NUBP1: variants seen among roughly 807,000 people sequenced by gnomAD.
NUBP1 encodes the protein NUBP iron-sulfur cluster assembly factor 1, cytosolic.
Under a neutral mutation model 41.8 loss-of-function variants are expected in NUBP1, and 46 were observed. The ratio of observed to expected loss-of-function variants is 1.10; its 90% CI spans 0.87 to 1.41. NUBP1 has a LOEUF of 1.41. Ranked by LOEUF, NUBP1 falls within the 40% of genes most tolerant of loss-of-function variation. NUBP1 has a pLI of 0.00. For missense variants in NUBP1, 494 were observed against 414.0 expected (o/e 1.19, Z -1.68); for synonymous variants, 189 against 154.6 (o/e 1.22, Z -1.65).
chr16:10,748,648 C>A (rs185465336), intron 3 of NUBP1, among the ~76,000 whole-genome samples: 1 of 152,116 alleles, frequency 6.6e-6, no homozygotes, highest in African/African-American at 2.4e-5. Flanking sequence ...GCACGGGGCC[C>A]GACGAATAGT....
At position 10,767,719 on chromosome 16, in the gene NUBP1, C is replaced by G. The variant is rs1190384228; in HGVS notation, c.821-230C>G. On this transcript the variant is annotated intron_variant, in intron 9 of 10. Coordinates refer to ENST00000283027, the MANE Select transcript of NUBP1 (RefSeq NM_002484.4). This position sits in a 1 kb window ranked among gnomAD's most constrained non-coding sequence, Gnocchi z 4.6. Reference sequence around the variant, plus strand: ...GTTCTCTGTAGGGCCCTGGAACCTGCATTTTCTGTACACCACCTGATTATT... The same window carrying G: ...GTTCTCTGTAGGGCCCTGGAACCTGGATTTTCTGTACACCACCTGATTATT... 1.1e-5 allele frequency: 6 copies of G among 569,248 alleles called. No homozygotes were observed. The African/African-American group carries it at 1.1e-4, about 11-fold the overall frequency. The allele number at this position is 569,248 out of a possible 1,614,324, so 35.3% of individuals were successfully genotyped here.
chr16:10,755,720 G>A lies in NUBP1; in HGVS notation c.328-1G>A. 1 of 1,614,180 alleles carries A rather than the reference G, an allele frequency of 6.2e-7. No homozygotes were observed. Among genetic ancestry groups the A allele is most frequent in the Non-Finnish European group, 8.5e-7 (1 of 1,179,986 alleles). On this transcript the variant is annotated splice_acceptor_variant, in intron 4 of 10. Transcript: ENST00000283027. LOFTEE classifies it high-confidence loss of function. ...GAACATCGGTGCTCATGTTCACACA[G>A]GTTCACCAGAGTGGCTCAGGCTGGT...
intron 3 of NUBP1, 117 bp from the exon 4 acceptor site, chr16:10,752,493 C>T (rs1204373931): frequency 4.0e-6 from 3 of 758,188 alleles, no homozygotes; most frequent in Admixed American, 4.0e-5. Flanking sequence ...CCAAGTTTAA[C>T]CCAGTTTCTG....
intron 4 of NUBP1, among the ~76,000 whole-genome samples, chr16:10,754,827 T>C (rs1366730798): frequency 6.6e-6 from 1 of 151,826 alleles, no homozygotes; most frequent in African/African-American, 2.4e-5. Context: ...GGTGGATCAC[T>C]TGAGGTCAGG....
At position 10,761,585 on chromosome 16, in the gene NUBP1, T is replaced by C. The variant is rs2029904607; in HGVS notation, c.717+111T>C. 5 of 1,071,096 alleles carry C rather than the reference T, an allele frequency of 4.7e-6. No homozygotes were observed. The Admixed American group carries it at 9.4e-5, about 20-fold the overall frequency. The allele number at this position is 1,071,096 out of a possible 1,614,324, so 66.3% of individuals were successfully genotyped here. A position where few individuals can be genotyped will look rare whatever the true frequency, so the allele number is the denominator to read the frequency against. On this transcript the variant is annotated intron_variant, in intron 8 of 10. Coordinates refer to ENST00000283027, the MANE Select transcript of NUBP1 (RefSeq NM_002484.4). ...CTGCTTTCCCTGTCATTTTGGGAAGTGGAATCACAATTAAAATCCCTTTCT... is the reference window on the plus strand; with the variant it reads ...CTGCTTTCCCTGTCATTTTGGGAAGCGGAATCACAATTAAAATCCCTTTCT...
In NUBP1 at chr16:10,765,559, G is replaced by A. The variant is rs570575477; in HGVS notation, c.821-2390G>A. 1.1e-4 allele frequency among the ~76,000 whole-genome samples: 16 copies of A among 152,034 alleles called. No homozygotes were observed. Among genetic ancestry groups the A allele is most frequent in the Admixed American group, 3.9e-4 (6 of 15,252 alleles). On this transcript the variant is annotated intron_variant, in intron 9 of 10. Transcript: ENST00000283027. This position sits in a 1 kb window ranked among gnomAD's most constrained non-coding sequence, Gnocchi z 4.0. ...TGCTGACCCACCCAAATATGTCCACGGGCCCAGCCACAGGCCTGCCCTTGC... is the reference window on the plus strand; with the variant it reads ...TGCTGACCCACCCAAATATGTCCACAGGCCCAGCCACAGGCCTGCCCTTGC...
intron 9 of NUBP1, chr16:10,764,893 G>A (rs2030637708): frequency 1.2e-5 from 2 of 173,392 alleles, no homozygotes; most frequent in Admixed American, 6.6e-5. Flanking sequence ...CAGTCTGCTG[G>A]AGTATGTCAG....
rs533208449 is a variant in NUBP1 at position 10,765,327 on chromosome 16, T to TAAAAAAA, written c.821-2606_821-2600dup. Reference sequence around the variant, plus strand: ...TAACACAGGAAGATACCTCATCTCTTAAAAAAAAAAAAAAAAAAAAAAGGA... The same window carrying TAAAAAAA: ...TAACACAGGAAGATACCTCATCTCTTAAAAAAAAAAAAAAAAAAAAAAAAAAAAAGGA... On this transcript the variant is annotated intron_variant, in intron 9 of 10. Coordinates refer to ENST00000283027, the MANE Select transcript of NUBP1 (RefSeq NM_002484.4). The surrounding 1 kb of genome is among the most constrained non-coding windows in gnomAD (Gnocchi z 4.0). 2.8e-4 allele frequency among the ~76,000 whole-genome samples: 31 copies of TAAAAAAA among 111,262 alleles called. No homozygotes were observed. Among genetic ancestry groups the TAAAAAAA allele is most frequent in the Non-Finnish European group, 4.2e-4 (24 of 56,636 alleles). The allele number at this position is 111,262 out of a possible 152,430, so 73.0% of individuals were successfully genotyped here. A position where few individuals can be genotyped will look rare whatever the true frequency, so the allele number is the denominator to read the frequency against.
At position 10,768,204 on chromosome 16, in the gene NUBP1, G is replaced by C. The variant is rs191838765; in HGVS notation, c.904+172G>C. ...AGAAATCTCTCAATGTGTGAGTATTGTGAATTAATTCATAGTTTAAAAAAC... is the reference window on the plus strand; with the variant it reads ...AGAAATCTCTCAATGTGTGAGTATTCTGAATTAATTCATAGTTTAAAAAAC... On this transcript the variant is annotated intron_variant, in intron 10 of 10. Coordinates refer to ENST00000283027, the MANE Select transcript of NUBP1 (RefSeq NM_002484.4). The surrounding 1 kb of genome is among the most constrained non-coding windows in gnomAD (Gnocchi z 4.3). The C allele has an allele frequency of 3.9e-4, 195 of 506,070 alleles. 2 individuals are homozygous for C. Among genetic ancestry groups the C allele is most frequent in the African/African-American group, 3.4e-3 (177 of 51,494 alleles). The allele number at this position is 506,070 out of a possible 1,614,324, so 31.3% of individuals were successfully genotyped here. A position where few individuals can be genotyped will look rare whatever the true frequency, so the allele number is the denominator to read the frequency against.
rs1900217079 is a variant in NUBP1, at chr16:10,749,434, G to T, written c.258+2158G>T. 1.3e-5 allele frequency among the ~76,000 whole-genome samples: 2 copies of T among 152,110 alleles called. No individual in the cohort carries two copies. The highest frequency in any genetic ancestry group is 4.8e-5 in the African/African-American group (2 of 41,402). On this transcript the variant is annotated intron_variant, in intron 3 of 10. Transcript: ENST00000283027. This position sits in a 1 kb window ranked among gnomAD's most constrained non-coding sequence, Gnocchi z 4.1. The stretch of plus-strand genomic sequence containing the variant: ...GTAATTACGTTCTGAAGTCTTTGCT[G>T]CATGCCTGTCTAGACTTTGCAGTAT...
intron 3 of NUBP1, 60 bp from the exon 4 acceptor site, chr16:10,752,550 T>G: frequency 8.2e-6 from 11 of 1,347,032 alleles, no homozygotes; most frequent in Non-Finnish European, 1.2e-5. Flanking sequence ...CTCCTAGTTG[T>G]GTGTGTCTGG....
intron 9 of NUBP1, among the ~76,000 whole-genome samples, chr16:10,763,052 C>T (rs1025870068): frequency 1.3e-5 from 2 of 152,062 alleles, no homozygotes; most frequent in Non-Finnish European, 2.9e-5. Flanking sequence ...GAGAAAGTGA[C>T]GGCATCTGAG....
In NUBP1 at chr16:10,744,040, T is replaced by C; in HGVS notation, c.99T>C (p.Ser33=). The C allele has an allele frequency of 6.3e-7, 1 of 1,579,864 alleles. No individual in the cohort carries two copies. Among genetic ancestry groups the C allele is most frequent in the Non-Finnish European group, 8.6e-7 (1 of 1,168,826 alleles). The part of the protein sequence containing the change: ...QGCPNQRLCA[S]GAGATPDTAI... Reference sequence around the variant, plus strand: ...GCCCCAACCAGCGGCTGTGCGCTTCTGGAGCGGGGGCCACTCCGGACACGG... The same window carrying C: ...GCCCCAACCAGCGGCTGTGCGCTTCCGGAGCGGGGGCCACTCCGGACACGG... Residue 33 remains serine (S), a synonymous_variant, in exon 2 of 11, where the codon TCT becomes TCC. Transcript: ENST00000283027.
chr16:10,755,937 G>A (rs1900528505), intron 5 of NUBP1, among the ~76,000 whole-genome samples, 184 bp downstream of exon 5: 1 of 152,230 alleles, frequency 6.6e-6, no homozygotes, highest in African/African-American at 2.4e-5. Flanking sequence ...TTTTCAGCAT[G>A]TGGGCCTACA....
intron 4 of NUBP1, among the ~76,000 whole-genome samples, chr16:10,753,056 A>C (rs1324949377): frequency 2.0e-5 from 3 of 152,148 alleles, no homozygotes; most frequent in African/African-American, 7.2e-5. Context: ...AGCCTCCCAA[A>C]GTGCTAGGAT....
rs1032764469 is a variant in NUBP1 at position 10,768,915 on chromosome 16, G to T, written c.905-132G>T. 1.2e-5 allele frequency: 9 copies of T among 747,320 alleles called. No homozygotes were observed. The highest frequency in any genetic ancestry group is 7.1e-5 in the African/African-American group (4 of 56,526). 46.3% of individuals were successfully genotyped at this position (747,320 alleles called of 1,614,324 possible). ...ACTTTCAAAGACTCAGGGCATCACA[G>T]ACACAGGTCTTTTTATGGAACTAGC... On this transcript the variant is annotated intron_variant, in intron 10 of 10. Coordinates refer to ENST00000283027, the MANE Select transcript of NUBP1 (RefSeq NM_002484.4). The surrounding 1 kb of genome is among the most constrained non-coding windows in gnomAD (Gnocchi z 4.3).
In NUBP1 at chr16:10,767,097, G is replaced by C. The variant is rs962898374; in HGVS notation, c.821-852G>C. 2.8e-5 allele frequency: 11 copies of C among 398,666 alleles called. No individual in the cohort carries two copies. The highest frequency in any genetic ancestry group is 2.1e-4 in the African/African-American group (10 of 48,644). 24.7% of individuals were successfully genotyped at this position (398,666 alleles called of 1,614,324 possible). A position where few individuals can be genotyped will look rare whatever the true frequency, so the allele number is the denominator to read the frequency against. ...GGAACCCCTCCTGGGGTTCACCTGA[G>C]GCTGGTGACCGGCCATGGGCAGTGC... is the stretch of plus-strand genomic sequence containing the variant. On this transcript the variant is annotated intron_variant, in intron 9 of 10. Transcript: ENST00000283027. This position sits in a 1 kb window ranked among gnomAD's most constrained non-coding sequence, Gnocchi z 4.6.
At chr16:10,758,924 A>G (rs1900754967) in intron 7 of NUBP1, among the ~76,000 whole-genome samples, 1 of 152,158 alleles carries the variant, frequency 6.6e-6, no homozygotes, top group African/African-American at 2.4e-5. Context: ...TCCTCTCTGT[A>G]AGTCCTGCAG....
chr16:10,762,497 G>A (rs756350565), intron 9 of NUBP1, among the ~76,000 whole-genome samples: 1 of 152,234 alleles, frequency 6.6e-6, no homozygotes, highest in Non-Finnish European at 1.5e-5. Context: ...GCGCTGGGCA[G>A]GGCCTACACT....
Sources: gnomAD v4.1 joint callset for allele counts (sites outside exome capture counted in the v4.1 genomes callset) on GRCh38, gnomAD v4.1.1 for gene constraint, Gnocchi (gnomAD v3.1) non-coding constraint, MANE v1.5 for transcripts, NCBI Gene and HGNC (gene_info 2026-07-23, HGNC 2026-07-21) for gene names.